Variants in HIPK2 observed in about 807,000 individuals in gnomAD.
The protein encoded by HIPK2 is homeodomain-interacting protein kinase 2.
HIPK2 carries 27 observed loss-of-function variants against 113.7 expected under a neutral mutation model. The ratio of observed to expected loss-of-function variants is 0.24; its 90% CI spans 0.17 to 0.33. HIPK2 has a LOEUF of 0.33. Ranked by LOEUF, HIPK2 falls within the 10% of genes least tolerant of loss-of-function variation. The pLI, the probability that HIPK2 is intolerant of heterozygous loss-of-function variation, is 1.00. For synonymous variants in HIPK2, 631 were observed against 642.2 expected, an observed-to-expected ratio of 0.98 and a Z score of 0.26; for missense variants, 1,257 against 1,588.0, an observed-to-expected ratio of 0.79 and a Z score of 3.54.
intron 6 of HIPK2, 24 bp from the exon 7 acceptor site, chr7:139,620,587 A>G: frequency 6.2e-7 from 1 of 1,612,334 alleles, no homozygotes; most frequent in Non-Finnish European, 8.5e-7. Flanking sequence ...AGGCAGAGGC[A>G]TATTGAGACA....
intron 1 of HIPK2, among the ~76,000 whole-genome samples, chr7:139,763,692 T>C (rs1796507627): frequency 6.6e-6 from 1 of 152,236 alleles, no homozygotes; most frequent in Admixed American, 6.5e-5. Context: ...TCTGTCGTCA[T>C]TATTCCTGGA....
At chr7:139,689,575 A>C (rs1794337132) in intron 2 of HIPK2, among the ~76,000 whole-genome samples, 1 of 152,164 alleles carries the variant, frequency 6.6e-6, no homozygotes, top group Non-Finnish European at 1.5e-5. Flanking sequence ...GTTGATGGTG[A>C]AGAATACTGG....
At chr7:139,772,248 C>T (rs1226040999) in intron 1 of HIPK2, among the ~76,000 whole-genome samples, 1 of 152,182 alleles carries the variant, frequency 6.6e-6, no homozygotes, top group East Asian at 1.9e-4. Flanking sequence ...ACACAACTAC[C>T]TGGAATACAA....
intron 2 of HIPK2, among the ~76,000 whole-genome samples, chr7:139,672,309 T>C: frequency 6.6e-6 from 1 of 152,204 alleles, no homozygotes; most frequent in East Asian, 1.9e-4. Flanking sequence ...TGGCATGAAA[T>C]TATAAAATAT....
chr7:139,564,221 C>T lies in HIPK2; in HGVS notation c.*8706G>A. The T allele has an allele frequency of 3.1e-6, 1 of 320,658 alleles. No individual in the cohort carries two copies. The highest frequency in any genetic ancestry group is 5.6e-6 in the Non-Finnish European group (1 of 177,950). The allele number at this position is 320,658 out of a possible 1,614,324, so 19.9% of individuals were successfully genotyped here. On this transcript the variant is annotated 3_prime_UTR_variant, in exon 15 of 15. Transcript: ENST00000406875. ...TAAGGGGAAAACGAATAAATGACAG[C>T]AGATATATGGAAAACCCAGCCAGCG... is the stretch of plus-strand genomic sequence containing the variant.
intron 2 of HIPK2, among the ~76,000 whole-genome samples, chr7:139,681,751 G>A (rs976142168): frequency 3.9e-5 from 6 of 152,168 alleles, no homozygotes; most frequent in African/African-American, 4.8e-5. Flanking sequence ...GAGTCACAGC[G>A]TGCGGAGCCT....
At chr7:139,752,579 C>T (rs566170620) in intron 1 of HIPK2, among the ~76,000 whole-genome samples, 6 of 152,256 alleles carry the variant, frequency 3.9e-5, no homozygotes, top group African/African-American at 1.4e-4. Context: ...AGGATCACCA[C>T]ACCCAGGATT....
At chr7:139,608,108 G>A (rs1300460273) in intron 9 of HIPK2, among the ~76,000 whole-genome samples, 1 of 151,822 alleles carries the variant, frequency 6.6e-6, no homozygotes, top group East Asian at 1.9e-4. Context: ...CCGGGGCGTG[G>A]TGGCACATGC....
At position 139,566,475 on chromosome 7, in the gene HIPK2, A is replaced by G. The variant is rs1204394165; in HGVS notation, c.*6452T>C. 1 of 152,248 alleles carries G rather than the reference A, an allele frequency of 6.6e-6. No individual in the cohort carries two copies. The highest frequency in any genetic ancestry group is 1.5e-5 in the Non-Finnish European group (1 of 68,050). The allele number at this position is 152,248 out of a possible 1,614,324, so 9.4% of individuals were successfully genotyped here. A position where few individuals can be genotyped will look rare whatever the true frequency, so the allele number is the denominator to read the frequency against. On this transcript the variant is annotated 3_prime_UTR_variant, in exon 15 of 15. Coordinates refer to ENST00000406875, the MANE Select transcript of HIPK2 (RefSeq NM_022740.5). The surrounding 1 kb of genome is among the most constrained non-coding windows in gnomAD (Gnocchi z 4.1). ...GGAGTATCACTAAATGGTTCATAGA[A>G]ATATGAGGCCACGCATTGCTATTAA...
intron 9 of HIPK2, among the ~76,000 whole-genome samples, chr7:139,607,027 C>T (rs6962093): frequency 0.037 from 5,696 of 152,148 alleles, 325 homozygotes; most frequent in African/African-American, 0.13. Context: ...GAAACAAGAT[C>T]ATATAAAGAA....
rs1053961799 is a variant in HIPK2 at position 139,562,493 on chromosome 7, C to T, written c.*10434G>A. The T allele has an allele frequency of 2.0e-5, 3 of 152,246 alleles. No homozygotes were observed. Among genetic ancestry groups the T allele is most frequent in the African/African-American group, 7.2e-5 (3 of 41,466 alleles). The allele number at this position is 152,246 out of a possible 1,614,324, so 9.4% of individuals were successfully genotyped here. On this transcript the variant is annotated 3_prime_UTR_variant, in exon 15 of 15. Transcript: ENST00000406875. ...TCTGCAGATCCATTCTCTTTCTATC[C>T]TAATGGATACCATTTTTGGAAACGT...
intron 2 of HIPK2, among the ~76,000 whole-genome samples, chr7:139,664,364 C>G (rs1801972445): frequency 6.6e-6 from 1 of 151,988 alleles, no homozygotes; most frequent in South Asian, 2.1e-4. Context: ...ACGGCAAAAC[C>G]CCATCTCTAC....
intron 1 of HIPK2, among the ~76,000 whole-genome samples, chr7:139,735,736 A>G (rs1795919550): frequency 6.6e-6 from 1 of 152,196 alleles, no homozygotes; most frequent in Non-Finnish European, 1.5e-5. Context: ...TACACACGAG[A>G]GTGCACCCCA....
chr7:139,743,189 C>A (rs1796134106), intron 1 of HIPK2, among the ~76,000 whole-genome samples: 1 of 152,104 alleles, frequency 6.6e-6, no homozygotes, highest in South Asian at 2.1e-4. Flanking sequence ...CCTTTCCCTA[C>A]TGGCTGAAAG....
chr7:139,735,930 G>A (rs932631721), intron 1 of HIPK2, among the ~76,000 whole-genome samples: 1 of 152,166 alleles, frequency 6.6e-6, no homozygotes, highest in Non-Finnish European at 1.5e-5. Context: ...CCCATCTAAG[G>A]GAACATCAGG....
Position 139,710,982 on chromosome 7 carries a change from G to A in HIPK2, c.1103+4950C>T, listed in dbSNP as rs370603832. Among the ~76,000 whole-genome samples the A allele has an allele frequency of 1.3e-4, 19 of 149,914 alleles. No individual in the cohort carries two copies. The East Asian group carries it at 3.5e-3, about 28-fold the overall frequency. On this transcript the variant is annotated intron_variant, in intron 2 of 14. Coordinates refer to ENST00000406875, the MANE Select transcript of HIPK2 (RefSeq NM_022740.5). ...AGCCATGCTTCCTATACACCCCGCA[G>A]AACTGTGAGTCAATTAAACCTTTTT...
intron 2 of HIPK2, among the ~76,000 whole-genome samples, chr7:139,638,943 A>G (rs552243323): frequency 1.2e-3 from 190 of 152,180 alleles, no homozygotes; most frequent in Non-Finnish European, 2.3e-3. Flanking sequence ...GGCGTGAGCC[A>G]CCACGCCCAG....
intron 1 of HIPK2, among the ~76,000 whole-genome samples, chr7:139,736,540 T>C (rs1162279542): frequency 6.6e-6 from 1 of 152,124 alleles, no homozygotes; most frequent in Admixed American, 6.5e-5. Flanking sequence ...CTGCCCTGAT[T>C]CCCAGGGAGG....
chr7:139,712,770 G>A (rs1310263458), intron 2 of HIPK2, among the ~76,000 whole-genome samples: 3 of 152,232 alleles, frequency 2.0e-5, no homozygotes, highest in Admixed American at 6.5e-5. Context: ...CCTAGAGCTG[G>A]CTGTCCCACA....
Sources: allele counts gnomAD v4.1 joint callset (sites outside exome capture counted in the v4.1 genomes callset), GRCh38; gene constraint gnomAD v4.1.1; non-coding constraint Gnocchi (gnomAD v3.1); transcripts MANE v1.5; gene names NCBI Gene and HGNC (gene_info 2026-07-23, HGNC 2026-07-21).